MATCAP2: variants seen among roughly 807,000 people sequenced by gnomAD.
MATCAP2 encodes the protein putative tyrosine carboxypeptidase MATCAP2.
At chr7:36,387,006 C>T in the MATCAP2 span, among the ~76,000 whole-genome samples, 2 of 152,020 alleles carry the variant, frequency 1.3e-5, no homozygotes, top group Non-Finnish European at 2.9e-5. Flanking sequence ...TGTCCATTAA[C>T]AGGATAATGG....
At chr7:36,389,687 C>G in the MATCAP2 span, 1 of 258,152 alleles carries the variant, frequency 3.9e-6, no homozygotes, top group African/African-American at 2.2e-5. Context: ...CGCCTCCACC[C>G]CGCGGCGAGG....
the MATCAP2 span, among the ~76,000 whole-genome samples, chr7:36,344,354 T>C: frequency 1.3e-5 from 2 of 152,196 alleles, no homozygotes; most frequent in East Asian, 3.8e-4. Flanking sequence ...ATGTTGATGG[T>C]TTTTAATGAT....
chr7:36,373,607 T>C, the MATCAP2 span, among the ~76,000 whole-genome samples: 1 of 152,122 alleles, frequency 6.6e-6, no homozygotes, highest in South Asian at 2.1e-4. Flanking sequence ...CTTTATTCTT[T>C]ATTTTTTAAA....
At chr7:36,383,149 T>C in the MATCAP2 span, among the ~76,000 whole-genome samples, 305 of 152,336 alleles carry the variant, frequency 2.0e-3, 1 homozygote, top group African/African-American at 7.0e-3. Flanking sequence ...GAATCATTAA[T>C]AGTAAAGATT....
the MATCAP2 span, chr7:36,367,000 G>T: frequency 1.5e-6 from 2 of 1,313,478 alleles, no homozygotes; most frequent in Admixed American, 8.4e-5. Context: ...GCCGCGCAGG[G>T]GCGGGCGGCC....
chr7:36,343,644 A>AG, the MATCAP2 span, among the ~76,000 whole-genome samples: 62,069 of 101,578 alleles, frequency 0.61, 14,768 homozygotes, highest in South Asian at 0.74. Flanking sequence ...GAAAAAGAAA[A>AG]AGAAAAGAGA....
chr7:36,357,175 C>T, the MATCAP2 span: 6 of 1,614,130 alleles, frequency 3.7e-6, no homozygotes, highest in Non-Finnish European at 5.1e-6. Flanking sequence ...GTTTAGGTGG[C>T]AGTACTATGC....
chr7:36,352,353 C>A, the MATCAP2 span, among the ~76,000 whole-genome samples: 2 of 143,330 alleles, frequency 1.4e-5, no homozygotes, highest in Non-Finnish European at 3.0e-5. Context: ...GCTGAAATTG[C>A]ACCACTGTAC....
chr7:36,348,486 C>T, the MATCAP2 span, among the ~76,000 whole-genome samples: 8 of 152,298 alleles, frequency 5.3e-5, no homozygotes, highest in East Asian at 1.4e-3. Flanking sequence ...AACATATATG[C>T]AGGCTGAACT....
the MATCAP2 span, among the ~76,000 whole-genome samples, chr7:36,351,079 G>A: frequency 1.3e-5 from 2 of 152,184 alleles, no homozygotes; most frequent in African/African-American, 4.8e-5. Flanking sequence ...AATGAAGTTG[G>A]TCCACATAGG....
chr7:36,357,425 T>C, the MATCAP2 span: 1 of 1,614,188 alleles, frequency 6.2e-7, no homozygotes, highest in South Asian at 1.1e-5. Context: ...TTTTTCCTCC[T>C]TGCTCTGTAG....
the MATCAP2 span, chr7:36,389,828 C>T: frequency 2.0e-5 from 20 of 1,001,710 alleles, no homozygotes; most frequent in Non-Finnish European, 2.9e-5. Context: ...CGCGGCTCGG[C>T]GCTGAAATTC....
At chr7:36,369,878 A>G in the MATCAP2 span, among the ~76,000 whole-genome samples, 4 of 152,324 alleles carry the variant, frequency 2.6e-5, no homozygotes, top group African/African-American at 7.2e-5. Flanking sequence ...AACAAATTTG[A>G]TGCCTCTGTA....
At chr7:36,332,014 C>A in the MATCAP2 span, among the ~76,000 whole-genome samples, 17,838 of 152,074 alleles carry the variant, frequency 0.12, 1,094 homozygotes, top group East Asian at 0.19. Flanking sequence ...AATAGACGAA[C>A]CACAGTTAGA....
At chr7:36,364,495 G>T in the MATCAP2 span, among the ~76,000 whole-genome samples, 1 of 152,068 alleles carries the variant, frequency 6.6e-6, no homozygotes, top group Admixed American at 6.5e-5. Context: ...TCAAAAGTGG[G>T]TAAGATATTA....
chr7:36,328,751 TA>T, the MATCAP2 span, among the ~76,000 whole-genome samples: 1 of 143,456 alleles, frequency 7.0e-6, no homozygotes, highest in Non-Finnish European at 1.5e-5. Flanking sequence ...TCTCACAAAA[TA>T]AATAAATAAA....
the MATCAP2 span, among the ~76,000 whole-genome samples, chr7:36,358,997 C>T: frequency 2.6e-5 from 4 of 152,160 alleles, no homozygotes; most frequent in Non-Finnish European, 4.4e-5. Flanking sequence ...CTGAACAAGA[C>T]TCCAGCTCAA....
chr7:36,357,651 G>C, the MATCAP2 span: 1 of 1,235,934 alleles, frequency 8.1e-7, no homozygotes, highest in Non-Finnish European at 1.1e-6. Context: ...GAAGCAAACT[G>C]TTTATTAGGA....
chr7:36,357,798 TAA>T, the MATCAP2 span, among the ~76,000 whole-genome samples: 3 of 152,214 alleles, frequency 2.0e-5, no homozygotes, highest in Admixed American at 6.5e-5. Flanking sequence ...TGAGTATATA[TAA>T]GTTAAATTAT....
Sources: allele counts gnomAD v4.1 joint callset (sites outside exome capture counted in the v4.1 genomes callset), GRCh38; gene constraint gnomAD v4.1.1; transcripts MANE v1.5; gene names NCBI Gene and HGNC (gene_info 2026-07-23, HGNC 2026-07-21).